The following ARHGAP21 variants were observed in gnomAD, a reference collection of about 807,000 sequenced individuals.
ARHGAP21 encodes Rho GTPase activating protein 21.
Under a neutral mutation model 164.6 loss-of-function variants are expected in ARHGAP21, and 38 were observed. The ratio of observed to expected loss-of-function variants is 0.23; its 90% CI spans 0.18 to 0.30. ARHGAP21 has a LOEUF of 0.30. ARHGAP21 is among the 10% of genes least tolerant of loss of function. The probability of loss-of-function intolerance (pLI) is 1.00; values close to 1 mark genes in which losing one functional copy is unlikely to be tolerated. For missense variants in ARHGAP21, 1,822 were observed against 2,370.7 expected (o/e 0.77, Z 4.81); for synonymous variants, 766 against 857.9 (o/e 0.89, Z 1.87).
intron 2 of ARHGAP21, among the ~76,000 whole-genome samples, chr10:24,712,914 C>T (rs903896131): frequency 6.7e-6 from 1 of 150,116 alleles, no homozygotes. Flanking sequence ...TATACAAATT[C>T]TTTTAAATAT....
At chr10:24,699,354 C>A (rs1448989522) in intron 2 of ARHGAP21, among the ~76,000 whole-genome samples, 2 of 151,896 alleles carry the variant, frequency 1.3e-5, no homozygotes, top group African/African-American at 2.4e-5. Flanking sequence ...GAGATGGAGT[C>A]TCACTCGTCC....
At chr10:24,616,109 G>C (rs972269641) in intron 9 of ARHGAP21, among the ~76,000 whole-genome samples, 1 of 151,972 alleles carries the variant, frequency 6.6e-6, no homozygotes, top group South Asian at 2.1e-4. Flanking sequence ...ACCTCACATC[G>C]TTACTCAAAT....
intron 4 of ARHGAP21, 29 bp from the exon 5 acceptor site, chr10:24,635,132 T>C (rs751684216): frequency 1.9e-5 from 27 of 1,448,928 alleles, no homozygotes; most frequent in African/African-American, 4.3e-5. Flanking sequence ...AAGCATGATT[T>C]TACTTCACAA....
At chr10:24,604,789 C>A (rs1473832583) in intron 11 of ARHGAP21, among the ~76,000 whole-genome samples, 1 of 152,100 alleles carries the variant, frequency 6.6e-6, no homozygotes, top group Non-Finnish European at 1.5e-5. Flanking sequence ...ATACCCTGAA[C>A]TGGAAATGTG....
chr10:24,605,384 C>T (rs1322597727), intron 11 of ARHGAP21, among the ~76,000 whole-genome samples: 1 of 152,156 alleles, frequency 6.6e-6, no homozygotes, highest in Non-Finnish European at 1.5e-5. Flanking sequence ...GCCATCTTTG[C>T]AGGAAACAGT....
chr10:24,699,170 T>C (rs911569406), intron 2 of ARHGAP21, among the ~76,000 whole-genome samples: 4 of 152,096 alleles, frequency 2.6e-5, no homozygotes, highest in Admixed American at 6.6e-5. Context: ...TGGCTCCTAT[T>C]ATCTCTTTTT....
intron 4 of ARHGAP21, among the ~76,000 whole-genome samples, chr10:24,654,957 A>G (rs1285428050): frequency 6.6e-6 from 1 of 152,240 alleles, no homozygotes; most frequent in Non-Finnish European, 1.5e-5. Flanking sequence ...GGCCTCAGAA[A>G]TAACACCACA....
intron 4 of ARHGAP21, among the ~76,000 whole-genome samples, chr10:24,662,476 G>A (rs189719930): frequency 1.3e-5 from 2 of 152,216 alleles, no homozygotes; most frequent in African/African-American, 4.8e-5. Flanking sequence ...ATACCTTACA[G>A]GGTTAGAGTG....
rs375470441 is a variant in ARHGAP21, at chr10:24,716,980, T to C, written c.63+4857A>G. On this transcript the variant is annotated intron_variant, in intron 2 of 25. Coordinates refer to ENST00000396432, the MANE Select transcript of ARHGAP21 (RefSeq NM_020824.4). ...TGGAGATTCTAGGCAGTCAGGTCAG[T>C]TGGATATAGGAATCTGATTCTGCGA... is the stretch of plus-strand genomic sequence containing the variant. 5.5e-4 allele frequency among the ~76,000 whole-genome samples: 84 copies of C among 152,326 alleles called. No homozygotes were observed. The East Asian group carries it at 0.01, about 19-fold the overall frequency.
chr10:24,591,335 G>A lies in ARHGAP21; in HGVS notation c.4045-5C>T, dbSNP rs766587640. The A allele has an allele frequency of 4.4e-6, 7 of 1,599,458 alleles. No homozygotes were observed. The highest frequency in any genetic ancestry group is 6.0e-6 in the Non-Finnish European group (7 of 1,170,724). Reference sequence around the variant, plus strand: ...GCTTTCCTCCTGCACTGTTGTCTATGGTTAATAAACAAAGATCTCTTCATC... The same window carrying A: ...GCTTTCCTCCTGCACTGTTGTCTATAGTTAATAAACAAAGATCTCTTCATC... On this transcript the variant is annotated splice_polypyrimidine_tract_variant and splice_region_variant and intron_variant, in intron 23 of 25. Transcript: ENST00000396432.
intron 2 of ARHGAP21, among the ~76,000 whole-genome samples, chr10:24,719,338 G>A (rs189445133): frequency 1.3e-5 from 2 of 152,224 alleles, no homozygotes; most frequent in Admixed American, 6.5e-5. Context: ...TCCTGGGGGT[G>A]GGGAGGCCTA....
intron 9 of ARHGAP21, among the ~76,000 whole-genome samples, chr10:24,610,087 C>T (rs1049447027): frequency 6.6e-6 from 1 of 152,142 alleles, no homozygotes; most frequent in Non-Finnish European, 1.5e-5. Flanking sequence ...ACTTAAGAAA[C>T]GAGGTCTTGG....
intron 2 of ARHGAP21, among the ~76,000 whole-genome samples, chr10:24,684,291 GA>G (rs1034372882): frequency 1.6e-4 from 23 of 144,026 alleles, no homozygotes; most frequent in Non-Finnish European, 2.8e-4. Flanking sequence ...TGACTGAAAA[GA>G]AAAAAAAAAC....
At chr10:24,677,247 CT>C (rs1313206023) in intron 2 of ARHGAP21, among the ~76,000 whole-genome samples, 2 of 152,152 alleles carry the variant, frequency 1.3e-5, no homozygotes, top group African/African-American at 4.8e-5. Context: ...ACTCCTCATT[CT>C]TTCTCTGCAA....
intron 2 of ARHGAP21, among the ~76,000 whole-genome samples, chr10:24,716,026 A>G (rs990681695): frequency 6.6e-6 from 1 of 152,228 alleles, no homozygotes; most frequent in African/African-American, 2.4e-5. Context: ...AATAAAATAA[A>G]TAAGAATTCA....
chr10:24,655,332 C>T (rs1838701242), intron 4 of ARHGAP21, among the ~76,000 whole-genome samples: 1 of 152,174 alleles, frequency 6.6e-6, no homozygotes, highest in Non-Finnish European at 1.5e-5. Flanking sequence ...AGTGAACAGA[C>T]AATCTACAGA....
intron 2 of ARHGAP21, among the ~76,000 whole-genome samples, chr10:24,674,005 GCAA>G (rs1840970417): frequency 6.6e-6 from 1 of 152,110 alleles, no homozygotes; most frequent in Non-Finnish European, 1.5e-5. Context: ...TCCATTAACA[GCAA>G]CAACAAAAAA....
intron 2 of ARHGAP21, among the ~76,000 whole-genome samples, chr10:24,694,029 T>C (rs961528786): frequency 6.6e-6 from 1 of 152,282 alleles, no homozygotes; most frequent in African/African-American, 2.4e-5. Flanking sequence ...TATACACCAA[T>C]GGCCCACTGA....
Position 24,591,156 on chromosome 10 carries a change from A to T in ARHGAP21, c.4150+69T>A. 2.3e-6 allele frequency: 3 copies of T among 1,291,902 alleles called. No homozygotes were observed. The South Asian group carries it at 4.0e-5, about 17-fold the overall frequency. 80.0% of individuals were successfully genotyped at this position (1,291,902 alleles called of 1,614,324 possible). ...CATAAGTAACAATTCACTATGATTG[A>T]TTTGCTCTTTCATATTGTAAGAATG... is the stretch of plus-strand genomic sequence containing the variant. On this transcript the variant is annotated intron_variant, in intron 24 of 25. Transcript: ENST00000396432.
Sources: allele counts gnomAD v4.1 joint callset (sites outside exome capture counted in the v4.1 genomes callset), GRCh38; gene constraint gnomAD v4.1.1; transcripts MANE v1.5; gene names NCBI Gene and HGNC (gene_info 2026-07-23, HGNC 2026-07-21).